Variants in SMAD9 observed in about 807,000 individuals in gnomAD.
SMAD9 encodes SMAD family member 9.
SMAD9 carries 36 observed loss-of-function variants against 46.1 expected under a neutral mutation model. The observed-to-expected ratio is 0.78, with a 90% confidence interval of 0.60 to 1.03. The LOEUF is 1.03. SMAD9 is among the 50% of genes least tolerant of loss of function. The pLI, the probability that SMAD9 is intolerant of heterozygous loss-of-function variation, is 0.00. For synonymous variants in SMAD9, 245 were observed against 237.1 expected (o/e 1.03, Z -0.31); for missense variants, 572 against 599.8 (o/e 0.95, Z 0.48).
rs187507719 is a variant in SMAD9, at chr13:36,868,703, A to C, written c.671-1320T>G. ...AGCTATGACTGTGCCCCCATACTCCAGCCTGGGTAACAAAACAAGGCCCTG... is the reference window on the plus strand; with the variant it reads ...AGCTATGACTGTGCCCCCATACTCCCGCCTGGGTAACAAAACAAGGCCCTG... On this transcript the variant is annotated intron_variant, in intron 3 of 6. Coordinates refer to ENST00000379826, the MANE Select transcript of SMAD9 (RefSeq NM_001127217.3). Among the ~76,000 whole-genome samples, 269 of 152,246 alleles carry C rather than the reference A, an allele frequency of 1.8e-3. 1 individual carries two copies. Among genetic ancestry groups the C allele is most frequent in the South Asian group, 1.7e-3 (8 of 4,828 alleles).
intron 5 of SMAD9, among the ~76,000 whole-genome samples, chr13:36,857,843 G>A (rs905084959): frequency 7.2e-5 from 11 of 152,116 alleles, no homozygotes; most frequent in Admixed American, 2.0e-4. Flanking sequence ...AAACCTAAAC[G>A]TCCCAACACA....
rs1256227587 is a variant in SMAD9, at chr13:36,846,006, C to T, written c.*2670G>A. The T allele has an allele frequency of 6.6e-6, 1 of 152,038 alleles. No homozygotes were observed. Among genetic ancestry groups the T allele is most frequent in the Non-Finnish European group, 1.5e-5 (1 of 68,026 alleles). The allele number at this position is 152,038 out of a possible 1,614,324, so 9.4% of individuals were successfully genotyped here. On this transcript the variant is annotated 3_prime_UTR_variant, in exon 7 of 7. Transcript: ENST00000379826. ...ACAGGGTGTCACTTTGTCACCCAGG[C>T]TAGAATGAAGTTGTATGATCATAGT...
Position 36,879,679 on chromosome 13 carries a change from G to A in SMAD9, c.11C>T (p.Thr4Ile). MHSTTPISSLFSFT... is the reference protein window; with the variant it reads MHSITPISSLFSFT... ...GGAGAAGAGGGAGCTGATGGGGGTG[G>A]TGGAGTGCATAAGAGGCCACAGCAG... Residue 4 changes from threonine (T) to isoleucine (I), a missense_variant, in exon 2 of 7, where the codon ACC becomes ATC. Transcript: ENST00000379826. The A allele has an allele frequency of 6.2e-7, 1 of 1,614,134 alleles. No individual in the cohort carries two copies. Among genetic ancestry groups the A allele is most frequent in the Non-Finnish European group, 8.5e-7 (1 of 1,180,038 alleles).
chr13:36,896,099 A>G (rs999589920), intron 1 of SMAD9, among the ~76,000 whole-genome samples: 1 of 149,630 alleles, frequency 6.7e-6, no homozygotes, highest in Non-Finnish European at 1.5e-5. Context: ...CCTGTTGCCA[A>G]TCCTGTTGAG....
intron 6 of SMAD9, among the ~76,000 whole-genome samples, chr13:36,852,681 T>G (rs1208456566): frequency 2.6e-5 from 4 of 152,242 alleles, no homozygotes; most frequent in African/African-American, 9.6e-5. Context: ...TTTTTGTAGC[T>G]TATTCATAAA....
chr13:36,848,480 G>A lies in SMAD9; in HGVS notation c.*196C>T, dbSNP rs563144187. ...CTTATAGCACAGGCACCAAAGTCCT[G>A]CTTTTCCAATTGCACTGTACTGGCA... On this transcript the variant is annotated 3_prime_UTR_variant, in exon 7 of 7. Transcript: ENST00000379826. The A allele has an allele frequency of 2.3e-5, 14 of 617,824 alleles. No homozygotes were observed. In the South Asian group the frequency reaches 2.7e-4, roughly 12 times the overall value. The allele number at this position is 617,824 out of a possible 1,614,324, so 38.3% of individuals were successfully genotyped here.
intron 1 of SMAD9, among the ~76,000 whole-genome samples, chr13:36,884,882 C>T (rs540109468): frequency 6.6e-6 from 1 of 152,308 alleles, no homozygotes; most frequent in East Asian, 1.9e-4. Context: ...TGGCCAAGGC[C>T]TCCATCACCT....
chr13:36,902,707 C>T (rs936867670), intron 1 of SMAD9, among the ~76,000 whole-genome samples: 20 of 152,194 alleles, frequency 1.3e-4, no homozygotes, highest in African/African-American at 4.6e-4. Flanking sequence ...CCGCTCATCT[C>T]GGCCTCCCAA....
chr13:36,880,066 TAGA>T (rs2058389726), intron 1 of SMAD9, among the ~76,000 whole-genome samples, 191 bp from the exon 2 acceptor site: 2 of 152,132 alleles, frequency 1.3e-5, no homozygotes, highest in Admixed American at 1.3e-4. Flanking sequence ...CAAAGTTGGA[TAGA>T]AGGGAAAAAA....
intron 5 of SMAD9, among the ~76,000 whole-genome samples, chr13:36,864,076 CACA>C (rs2058208874): frequency 6.6e-6 from 1 of 152,220 alleles, no homozygotes; most frequent in African/African-American, 2.4e-5. Flanking sequence ...CAAACTGCTT[CACA>C]ACATTATGTG....
chr13:36,870,877 T>C (rs1006528263), intron 3 of SMAD9, among the ~76,000 whole-genome samples: 7 of 152,186 alleles, frequency 4.6e-5, no homozygotes, highest in African/African-American at 7.2e-5. Flanking sequence ...GTAGATCTGA[T>C]CACAGAGACA....
chr13:36,896,865 T>G (rs898174878), intron 1 of SMAD9, among the ~76,000 whole-genome samples: 1 of 152,198 alleles, frequency 6.6e-6, no homozygotes, highest in Non-Finnish European at 1.5e-5. Context: ...TTCATGTTAT[T>G]AAGTACTTAA....
chr13:36,907,366 G>A (rs1190568688), intron 1 of SMAD9, among the ~76,000 whole-genome samples: 1 of 152,164 alleles, frequency 6.6e-6, no homozygotes, highest in African/African-American at 2.4e-5. Flanking sequence ...TGAACTATAT[G>A]ACTAAAAATG....
chr13:36,870,608 G>A (rs1566021352), intron 3 of SMAD9, among the ~76,000 whole-genome samples: 2 of 123,646 alleles, frequency 1.6e-5, no homozygotes, highest in African/African-American at 3.5e-5. Context: ...GAAGGTCAGA[G>A]ACCACAGTAG....
At chr13:36,907,336 C>A (rs907940289) in intron 1 of SMAD9, among the ~76,000 whole-genome samples, 3 of 152,048 alleles carry the variant, frequency 2.0e-5, no homozygotes, top group Non-Finnish European at 4.4e-5. Context: ...TACATAAAAC[C>A]GGAATGTGCT....
At chr13:36,877,437 C>T (rs924186597) in intron 2 of SMAD9, among the ~76,000 whole-genome samples, 4 of 152,118 alleles carry the variant, frequency 2.6e-5, no homozygotes, top group Non-Finnish European at 4.4e-5. Context: ...AAACCAGGTA[C>T]ATTTTACAAG....
rs2058244525 is a variant in SMAD9 at position 36,867,315 on chromosome 13, C to T, written c.739G>A (p.Ala247Thr). ...AGCACTACATGTCTATCAGCTGTGG[C>T]ATCTACAGGTTGGCCACTCTGGGTC... ...SETQSGQPVD[A>T]TADRHVVLSI... The change falls in exon 4 of 7, where the codon GCC becomes ACC. Residue 247 changes from alanine (A) to threonine (T), a missense_variant. Ala to Thr is a moderately conservative substitution (Grantham distance 58, BLOSUM62 0). Transcript: ENST00000379826. The T allele has an allele frequency of 4.5e-6, 7 of 1,551,304 alleles. No individual in the cohort carries two copies. The highest frequency in any genetic ancestry group is 6.1e-6 in the Non-Finnish European group (7 of 1,146,682).
intron 1 of SMAD9, among the ~76,000 whole-genome samples, chr13:36,900,946 A>G (rs1404173617): frequency 1.3e-5 from 2 of 151,300 alleles, no homozygotes; most frequent in Non-Finnish European, 2.9e-5. Flanking sequence ...TTCCCTCCCC[A>G]TCGACCCTGG....
chr13:36,871,807 C>A (rs12429277), intron 3 of SMAD9, among the ~76,000 whole-genome samples: 27,114 of 152,062 alleles, frequency 0.18, 2,808 homozygotes, highest in Non-Finnish European at 0.23. Flanking sequence ...TTTTATTAAC[C>A]TTTTAATTCC....
Sources: allele counts gnomAD v4.1 joint callset (sites outside exome capture counted in the v4.1 genomes callset), GRCh38; gene constraint gnomAD v4.1.1; transcripts MANE v1.5; gene names NCBI Gene and HGNC (gene_info 2026-07-23, HGNC 2026-07-21).